ZNF208: variants seen among roughly 807,000 people sequenced by gnomAD.
ZNF208 encodes the protein zinc finger protein 95.
A neutral mutation model predicts 12.1 loss-of-function variants in ZNF208; 10 were observed. That is an observed-to-expected ratio of 0.83 (90% CI 0.51 to 1.40). ZNF208 has a LOEUF of 1.40. Among genes scored for constraint, ZNF208 ranks in the 40% most tolerant of loss-of-function variants. The pLI is 0.00. For synonymous variants in ZNF208, 497 were observed against 488.4 expected, an observed-to-expected ratio of 1.02 and a Z score of -0.23; for missense variants, 1,652 against 1,485.0, an observed-to-expected ratio of 1.11 and a Z score of -1.85.
chr19:21,962,986 A>T (rs1970102080), downstream of ZNF208, among the ~76,000 whole-genome samples: 1 of 152,102 alleles, frequency 6.6e-6, no homozygotes, highest in South Asian at 2.1e-4. Flanking sequence ...ATAAAACATC[A>T]AATGCTACTT....
intron 3 of ZNF208, among the ~76,000 whole-genome samples, chr19:21,986,025 G>C (rs1396078673): frequency 6.6e-6 from 1 of 152,180 alleles, no homozygotes; most frequent in East Asian, 1.9e-4. Context: ...TGCAGAGCCA[G>C]CAGCCCTGTG....
intron 4 of ZNF208, among the ~76,000 whole-genome samples, chr19:21,948,735 G>A (rs2145514343): frequency 6.6e-6 from 1 of 152,242 alleles, no homozygotes; most frequent in Non-Finnish European, 1.5e-5. Flanking sequence ...GAGATGCTAT[G>A]CTGCTTTTAA....
intron 3 of ZNF208, among the ~76,000 whole-genome samples, chr19:21,975,970 A>C (rs1352111526): frequency 2.0e-5 from 3 of 150,788 alleles, no homozygotes; most frequent in Non-Finnish European, 3.0e-5. Context: ...GTCTTCCATA[A>C]GAAAGATGCC....
At chr19:21,989,038 A>C (rs1970677317) in intron 1 of ZNF208, 129 bp from the exon 2 acceptor site, 2 of 1,246,716 alleles carry the variant, frequency 1.6e-6, no homozygotes, top group Admixed American at 2.6e-5. Flanking sequence ...TATTCAATAA[A>C]ATAATTTTTA....
chr19:21,972,137 A>G lies in ZNF208; in HGVS notation c.2897T>C (p.Ile966Thr). ...SSSTLSYHKKIHTEEKPYKYE... is the reference protein window; with the variant it reads ...SSSTLSYHKKTHTEEKPYKYE... ...TTTGTAAGGTTTCTCTTCAGTATGA[A>G]TTTTCTTATGATAACTAAGGGTTGA... The change falls in exon 4 of 4, where the codon ATT (isoleucine) becomes ACT (threonine). Residue 966 changes from isoleucine to threonine, a missense_variant. Around this residue, in one of 3 missense-constraint regions of ZNF208, gnomAD observed 1,239 missense variants for 1,086.2 expected, o/e 1.14. Transcript: ENST00000397126. 6.2e-7 allele frequency: 1 copy of G among 1,610,096 alleles called. No homozygotes were observed. Among genetic ancestry groups the G allele is most frequent in the South Asian group, 1.1e-5 (1 of 90,844 alleles).
intron 3 of ZNF208, 126 bp from the exon 4 acceptor site, chr19:21,974,933 C>G (rs1970401074): frequency 8.7e-7 from 1 of 1,149,816 alleles, no homozygotes; most frequent in Admixed American, 3.1e-5. Flanking sequence ...GACACAGGCC[C>G]TAATTCTTCA....
chr19:21,994,234 A>G (rs538683234), intron 1 of ZNF208, among the ~76,000 whole-genome samples: 1 of 152,344 alleles, frequency 6.6e-6, no homozygotes, highest in East Asian at 1.9e-4. Flanking sequence ...AACAGAAAAC[A>G]AGCTGCTAAA....
At chr19:22,008,752 C>CA (rs1490043243) in intron 1 of ZNF208, among the ~76,000 whole-genome samples, 15 of 152,130 alleles carry the variant, frequency 9.9e-5, no homozygotes. Flanking sequence ...ACTAATATCT[C>CA]AAGGGGTTAG....
At chr19:21,962,319 C>T (rs73930951), downstream of ZNF208, among the ~76,000 whole-genome samples, 1,205 of 152,086 alleles carry the variant, frequency 7.9e-3, 14 homozygotes, top group African/African-American at 0.027. Flanking sequence ...GTGAAAAGGG[C>T]TGATGAAAAA....
In ZNF208 at chr19:21,967,102, A is replaced by C. The variant is rs1970185645; in HGVS notation, c.*4089T>G. 1 of 151,710 alleles carries C rather than the reference A, an allele frequency of 6.6e-6. No individual in the cohort carries two copies. Among genetic ancestry groups the C allele is most frequent in the Admixed American group, 6.6e-5 (1 of 15,222 alleles). The allele number at this position is 151,710 out of a possible 1,614,324, so 9.4% of individuals were successfully genotyped here. ...CATTTTTTATTTTTATTTTTGTTGC[A>C]CTCATGTTAGATGTTAGTCATAAAT... On this transcript the variant is annotated 3_prime_UTR_variant, in exon 4 of 4. Coordinates refer to ENST00000397126, the MANE Select transcript of ZNF208 (RefSeq NM_007153.3).
chr19:21,971,969 A>C lies in ZNF208; in HGVS notation c.3065T>G (p.Ile1022Ser), dbSNP rs762129830. ...TTTGTAGGGTGTCTCTCCAGTGTGA[A>C]TTTTCTTATGTTCCATAAGGTTTGA... is the stretch of plus-strand genomic sequence containing the variant. The part of the protein sequence containing the change: ...WSSNLMEHKK[I>S]HTGETPYKCE... Residue 1022 changes from isoleucine to serine, a missense_variant, in exon 4 of 4, where the codon ATT becomes AGT. Ile to Ser is a moderately radical substitution (Grantham distance 142). This residue lies in a region of ZNF208 where 1,239 missense variants were observed against 1,086.2 expected (regional missense o/e 1.14). Coordinates refer to ENST00000397126, the MANE Select transcript of ZNF208 (RefSeq NM_007153.3). The C allele has an allele frequency of 1.9e-6, 3 of 1,611,278 alleles. No individual in the cohort carries two copies. Among genetic ancestry groups the C allele is most frequent in the Non-Finnish European group, 2.5e-6 (3 of 1,179,276 alleles).
At chr19:21,977,457 C>T (rs1406224087) in intron 3 of ZNF208, among the ~76,000 whole-genome samples, 13 of 152,184 alleles carry the variant, frequency 8.5e-5, no homozygotes, top group Non-Finnish European at 1.8e-4. Context: ...TGTCGTCTCC[C>T]CTGGGAAGTG....
intron 4 of ZNF208, among the ~76,000 whole-genome samples, chr19:21,955,547 A>G (rs1020873199): frequency 1.3e-5 from 2 of 152,066 alleles, no homozygotes; most frequent in East Asian, 1.9e-4. Flanking sequence ...TTGTTTCTCT[A>G]AACTTTTCTT....
intron 4 of ZNF208, among the ~76,000 whole-genome samples, chr19:21,945,147 A>G (rs1969796872): frequency 6.6e-6 from 1 of 152,194 alleles, no homozygotes; most frequent in Admixed American, 6.5e-5. Context: ...GGCCATCCAG[A>G]ACATGCTTAC....
downstream of ZNF208, among the ~76,000 whole-genome samples, chr19:21,963,650 A>G (rs1970114814): frequency 6.6e-6 from 1 of 152,040 alleles, no homozygotes; most frequent in South Asian, 2.1e-4. Context: ...TATTGAATCT[A>G]GTCATACTAT....
Position 21,971,686 on chromosome 19 carries a change from T to C in ZNF208, c.3348A>G (p.Glu1116=), listed in dbSNP as rs1970288218. The change falls in exon 4 of 4, where the codon GAA becomes GAG. Residue 1116 remains glutamate, a synonymous_variant. Transcript: ENST00000397126. ...ACGTACTAAAGCTTTTGCCACATTC[T>C]TCACATTTGTAGGGTTTCTCTCCAG... ...IHTGEKPYKC[E]ECGKSFSTFS... 6.2e-7 allele frequency: 1 copy of C among 1,613,956 alleles called. No individual in the cohort carries two copies. The highest frequency in any genetic ancestry group is 8.5e-7 in the Non-Finnish European group (1 of 1,179,974).
At chr19:21,995,490 G>A (rs977940704) in intron 1 of ZNF208, among the ~76,000 whole-genome samples, 1 of 152,168 alleles carries the variant, frequency 6.6e-6, no homozygotes, top group Non-Finnish European at 1.5e-5. Context: ...TTCTGTTCTG[G>A]ACATTCTCCA....
At position 21,974,088 on chromosome 19, in the gene ZNF208, T is replaced by A. The variant is rs549343246; in HGVS notation, c.946A>T (p.Lys316Ter). 1.3e-6 allele frequency: 2 copies of A among 1,498,660 alleles called. No homozygotes were observed. The highest frequency in any genetic ancestry group is 1.3e-5 in the South Asian group (1 of 79,508). The allele number at this position is 1,498,660 out of a possible 1,614,324, so 92.8% of individuals were successfully genotyped here. A position where few individuals can be genotyped will look rare whatever the true frequency, so the allele number is the denominator to read the frequency against. Reference protein sequence around the residue: ...IHAGEKPYKCKECGKAFSKVS... With the variant: ...IHAGEKPYKC ...TTACTGAAGGCTTTGCCACATTCTT[T>A]ACATTTGTAGGGCTTCTCTCCAGCA... Residue 316 changes from lysine to a stop codon, truncating the protein, a stop_gained, in exon 4 of 4, where the codon AAA becomes TAA. Transcript: ENST00000397126. LOFTEE classifies it low-confidence loss of function (END_TRUNC).
In ZNF208 at chr19:21,974,295, G is replaced by T. The variant is rs759285591; in HGVS notation, c.739C>A (p.His247Asn). ...TTCTCTCCAGTATGAATTACCTTATGTTTAGTAAGGATTGAGAACTTACTA... is the reference window on the plus strand; with the variant it reads ...TTCTCTCCAGTATGAATTACCTTATTTTTAGTAAGGATTGAGAACTTACTA... ...AFSKFSILTK[H>N]KVIHTGEKSY... The change falls in exon 4 of 4, where the codon CAT (histidine) becomes AAT (asparagine). Residue 247 changes from histidine to asparagine, a missense_variant. Coordinates refer to ENST00000397126, the MANE Select transcript of ZNF208 (RefSeq NM_007153.3). 7 of 1,613,280 alleles carry T rather than the reference G, an allele frequency of 4.3e-6. No individual in the cohort carries two copies. The highest frequency in any genetic ancestry group is 5.9e-6 in the Non-Finnish European group (7 of 1,179,726).
Sources: gnomAD v4.1 joint callset for allele counts (sites outside exome capture counted in the v4.1 genomes callset) on GRCh38, gnomAD v4.1.1 for gene constraint, gnomAD v4.1.1 regional missense constraint, MANE v1.5 for transcripts, NCBI Gene and HGNC (gene_info 2026-07-23, HGNC 2026-07-21) for gene names.